SOAT1: variants seen among roughly 807,000 people sequenced by gnomAD.
The protein encoded by SOAT1 is sterol O-acyltransferase 1.
A neutral mutation model predicts 69.5 loss-of-function variants in SOAT1; 55 were observed. The ratio of observed to expected loss-of-function variants is 0.79; its 90% CI spans 0.64 to 0.99. The LOEUF (loss-of-function observed/expected upper bound fraction) is 0.99, where lower values mean the gene tolerates loss of function less well. Among genes scored for constraint, SOAT1 ranks in the 50% least tolerant of loss-of-function variants. SOAT1 has a pLI of 0.00. For missense variants in SOAT1, 580 were observed against 669.3 expected (o/e 0.87, Z 1.47); for synonymous variants, 231 against 224.7 (o/e 1.03, Z -0.25).
intron 4 of SOAT1, among the ~76,000 whole-genome samples, chr1:179,336,660 G>T (rs1326525453): frequency 6.6e-6 from 1 of 152,064 alleles, no homozygotes. Context: ...AAATTACATA[G>T]CAGGGATTTG....
intron 12 of SOAT1, 84 bp from the exon 13 acceptor site, chr1:179,348,760 A>AAGT (rs1491311101): frequency 1.9e-6 from 1 of 529,414 alleles, no homozygotes; most frequent in African/African-American, 2.1e-5. Context: ...TTCGGGTGGG[A>AAGT]TGTGTGTGTG....
At chr1:179,332,712 A>G (rs1468007870) in intron 3 of SOAT1, among the ~76,000 whole-genome samples, 1 of 152,188 alleles carries the variant, frequency 6.6e-6, no homozygotes, top group Non-Finnish European at 1.5e-5. Flanking sequence ...GGTTACTGAT[A>G]CCAGACATTA....
At chr1:179,341,500 A>G (rs954792287) in intron 7 of SOAT1, among the ~76,000 whole-genome samples, 190 bp downstream of exon 7, 3 of 150,374 alleles carry the variant, frequency 2.0e-5, no homozygotes, top group South Asian at 2.1e-4. Context: ...TGTAGCTTCC[A>G]TGTTCTCTGA....
At chr1:179,335,358 A>C in intron 3 of SOAT1, 148 bp from the exon 4 acceptor site, 3 of 631,350 alleles carry the variant, frequency 4.8e-6, no homozygotes, top group Non-Finnish European at 8.1e-6. Context: ...CAAGTCAGAT[A>C]CAGGAATTGA....
Position 179,300,546 on chromosome 1 carries a change from C to T in SOAT1, c.-8-2131C>T, listed in dbSNP as rs187230534. Among the ~76,000 whole-genome samples the T allele has an allele frequency of 4.9e-3, 751 of 152,164 alleles. 6 individuals are homozygous for T. The highest frequency in any genetic ancestry group is 0.017 in the African/African-American group (710 of 41,502). On this transcript the variant is annotated intron_variant, in intron 1 of 15. Coordinates refer to ENST00000367619, the MANE Select transcript of SOAT1 (RefSeq NM_003101.6). ...ATTTCAGAAATAATTAGAAGAAAGC[C>T]GATCTAGATTTGTCAGATTTTTACT...
At chr1:179,294,204 G>A (rs1343844673) in intron 1 of SOAT1, 1 of 152,226 alleles carries the variant, frequency 6.6e-6, no homozygotes, top group Non-Finnish European at 1.5e-5. Flanking sequence ...TCTCAAGTCA[G>A]TAGTAAAGAA....
At chr1:179,294,221 G>C (rs2493119) in intron 1 of SOAT1, 39,344 of 152,096 alleles carry the variant, frequency 0.26, 5,272 homozygotes, top group African/African-American at 0.31. Context: ...AGAAAGTTAG[G>C]AATTAGAAGA....
At chr1:179,331,165 G>A (rs1665958508) in intron 3 of SOAT1, among the ~76,000 whole-genome samples, 1 of 152,134 alleles carries the variant, frequency 6.6e-6, no homozygotes. Flanking sequence ...AAATGCACGA[G>A]TGTAAGAATC....
intron 15 of SOAT1, among the ~76,000 whole-genome samples, chr1:179,352,334 T>C (rs573093350): frequency 6.6e-6 from 1 of 152,174 alleles, no homozygotes; most frequent in African/African-American, 2.4e-5. Context: ...GTTAATTTAA[T>C]TGATGTGATC....
chr1:179,344,353 G>GTTTTTT (rs1553247808), intron 10 of SOAT1, among the ~76,000 whole-genome samples: 5 of 14,176 alleles, frequency 3.5e-4, no homozygotes, highest in Non-Finnish European at 5.2e-4. Flanking sequence ...TCATTAAGGG[G>GTTTTTT]TTTTTTTTTT....
Position 179,351,354 on chromosome 1 carries a change from G to A in SOAT1, c.1488G>A (p.Lys496=), listed in dbSNP as rs1666723753. The change falls in exon 15 of 16, where the codon AAG becomes AAA. Residue 496 remains lysine (K), a synonymous_variant. Transcript: ENST00000367619. ...FNFIVNDSRK[K]PIWNVLMWTS... The stretch of plus-strand genomic sequence containing the variant: ...TCATTGTCAATGATAGTCGGAAAAA[G>A]CCGATTTGGAATGTTCTGATGTGGA... The A allele has an allele frequency of 6.2e-7, 1 of 1,614,116 alleles. No individual in the cohort carries two copies. Among genetic ancestry groups the A allele is most frequent in the Non-Finnish European group, 8.5e-7 (1 of 1,179,990 alleles).
intron 3 of SOAT1, among the ~76,000 whole-genome samples, chr1:179,325,147 A>AATTTT (rs1553245742): frequency 7.2e-5 from 7 of 96,838 alleles, no homozygotes; most frequent in African/African-American, 2.7e-4. Context: ...TTAGTGACTA[A>AATTTT]TTTTTTTTTT....
rs371647852 is a variant in SOAT1 at position 179,308,020 on chromosome 1, C to T, written c.118+5218C>T. Among the ~76,000 whole-genome samples the T allele has an allele frequency of 2.0e-5, 3 of 151,992 alleles. No homozygotes were observed. The East Asian group carries it at 5.8e-4, about 30-fold the overall frequency. ...GGTCAGGCTGGTCTCAAACTCCCGA[C>T]CTCAGGTGATCCACCCACCTCGGCC... On this transcript the variant is annotated intron_variant, in intron 2 of 15. Transcript: ENST00000367619.
intron 2 of SOAT1, among the ~76,000 whole-genome samples, chr1:179,307,999 A>G (rs1233318828): frequency 5.3e-5 from 8 of 152,010 alleles, no homozygotes; most frequent in Non-Finnish European, 1.2e-4. Context: ...CATGTTGGTC[A>G]GGCTGGTCTC....
intron 9 of SOAT1, 49 bp downstream of exon 9, chr1:179,342,992 T>G: frequency 7.0e-7 from 1 of 1,433,494 alleles, no homozygotes; most frequent in Admixed American, 1.7e-5. Flanking sequence ...AAGTGTGGCA[T>G]GAGTGAGGTG....
chr1:179,340,451 C>G (rs1184331093), intron 6 of SOAT1, among the ~76,000 whole-genome samples: 3 of 152,068 alleles, frequency 2.0e-5, no homozygotes, highest in Non-Finnish European at 4.4e-5. Context: ...CCACTGCACT[C>G]CAGCCTGGAT....
intron 1 of SOAT1, among the ~76,000 whole-genome samples, chr1:179,300,911 C>G (rs1025843727): frequency 1.3e-5 from 2 of 152,042 alleles, no homozygotes; most frequent in Admixed American, 6.6e-5. Flanking sequence ...GCGTGACCAA[C>G]ATGGTGAAAC....
chr1:179,342,006 T>C (rs112464301), intron 7 of SOAT1, 108 bp from the exon 8 acceptor site: 22 of 1,437,918 alleles, frequency 1.5e-5, no homozygotes, highest in Admixed American at 1.5e-4. Flanking sequence ...TATACACTTA[T>C]CAGGATTTTC....
intron 2 of SOAT1, among the ~76,000 whole-genome samples, chr1:179,317,788 TATAAC>T (rs1665448822): frequency 6.6e-6 from 1 of 152,078 alleles, no homozygotes; most frequent in African/African-American, 2.4e-5. Context: ...GTTCCCATAA[TATAAC>T]AGATGACTTG....
Sources: gnomAD v4.1 joint callset for allele counts (sites outside exome capture counted in the v4.1 genomes callset) on GRCh38, gnomAD v4.1.1 for gene constraint, MANE v1.5 for transcripts, NCBI Gene and HGNC (gene_info 2026-07-23, HGNC 2026-07-21) for gene names.